The following FLT1 variants were observed in gnomAD, a reference collection of about 807,000 sequenced individuals.
The protein encoded by FLT1 is vascular endothelial growth factor receptor 1.
FLT1 carries 49 observed loss-of-function variants against 156.3 expected under a neutral mutation model. The ratio of observed to expected loss-of-function variants is 0.31; its 90% CI spans 0.25 to 0.40. The LOEUF (loss-of-function observed/expected upper bound fraction) is 0.40, where lower values mean the gene tolerates loss of function less well. Among genes scored for constraint, FLT1 ranks in the 10% least tolerant of loss-of-function variants. The probability of loss-of-function intolerance (pLI) is 1.00; values close to 1 mark genes in which losing one functional copy is unlikely to be tolerated. For synonymous variants in FLT1, 594 were observed against 583.8 expected, an observed-to-expected ratio of 1.02 and a Z score of -0.25; for missense variants, 1,322 against 1,637.2, an observed-to-expected ratio of 0.81 and a Z score of 3.32.
intron 11 of FLT1, among the ~76,000 whole-genome samples, chr13:28,402,032 C>T (rs1875471674): frequency 6.6e-6 from 1 of 152,152 alleles, no homozygotes; most frequent in Non-Finnish European, 1.5e-5. Flanking sequence ...CGAAAGTGCA[C>T]ATTTGCTACT....
At chr13:28,344,051 A>G (rs1872462867) in intron 16 of FLT1, among the ~76,000 whole-genome samples, 9 of 149,810 alleles carry the variant, frequency 6.0e-5, no homozygotes, top group Middle Eastern at 3.4e-3. Flanking sequence ...AGCCAAAATA[A>G]TTTTTCCAGA....
intron 14 of FLT1, among the ~76,000 whole-genome samples, chr13:28,381,420 A>T (rs1039566767): frequency 2.0e-5 from 3 of 152,080 alleles, no homozygotes; most frequent in Non-Finnish European, 2.9e-5. Flanking sequence ...TTAACCAGGC[A>T]TGGTGGCAGA....
intron 10 of FLT1, among the ~76,000 whole-genome samples, chr13:28,406,605 G>A (rs970666651): frequency 6.7e-6 from 1 of 149,072 alleles, no homozygotes; most frequent in African/African-American, 2.5e-5. Context: ...AGATTCTACA[G>A]ATTTTTTAAA....
chr13:28,323,081 G>T, intron 20 of FLT1, 135 bp from the exon 21 acceptor site: 2 of 914,916 alleles, frequency 2.2e-6, no homozygotes, highest in Non-Finnish European at 1.8e-6. Flanking sequence ...AACTAGCACA[G>T]GGGCCCTACG....
Position 28,420,253 on chromosome 13 carries a change from T to C in FLT1, c.1436+6906A>G, listed in dbSNP as rs549791584. Among the ~76,000 whole-genome samples, 55 of 151,960 alleles carry C rather than the reference T, an allele frequency of 3.6e-4. No individual in the cohort carries two copies. In the Middle Eastern group the frequency reaches 0.017, roughly 47 times the overall value. On this transcript the variant is annotated intron_variant, in intron 10 of 29. Coordinates refer to ENST00000282397, the MANE Select transcript of FLT1 (RefSeq NM_002019.4). The stretch of plus-strand genomic sequence containing the variant: ...GTGAACATTCACTTTTGGCTTGTGA[T>C]GAAAGCCTCCTGTATAAGATGGCCA...
chr13:28,464,071 C>T (rs772979515), intron 3 of FLT1, among the ~76,000 whole-genome samples: 2 of 152,070 alleles, frequency 1.3e-5, no homozygotes, highest in Admixed American at 6.6e-5. Flanking sequence ...ATTATTGATT[C>T]CAATATCTTT....
chr13:28,317,655 C>T (rs374708122), intron 24 of FLT1, 58 bp from the exon 25 acceptor site: 1 of 1,019,802 alleles, frequency 9.8e-7, no homozygotes, highest in South Asian at 1.3e-5. Flanking sequence ...TACAAAAGAC[C>T]AAGAGGGGAC....
chr13:28,443,771 G>C (rs1878460265), intron 3 of FLT1, among the ~76,000 whole-genome samples: 1 of 152,150 alleles, frequency 6.6e-6, no homozygotes, highest in Non-Finnish European at 1.5e-5. Flanking sequence ...GTACTGATTG[G>C]TAAAATATTT....
intron 12 of FLT1, among the ~76,000 whole-genome samples, chr13:28,391,882 G>A (rs185256278): frequency 6.6e-6 from 1 of 151,738 alleles, no homozygotes; most frequent in Non-Finnish European, 1.5e-5. Context: ...GAACTGACCC[G>A]CTCTCAAAAC....
chr13:28,424,534 A>T (rs1719792760), intron 10 of FLT1, among the ~76,000 whole-genome samples: 1 of 152,196 alleles, frequency 6.6e-6, no homozygotes, highest in African/African-American at 2.4e-5. Context: ...TTAGACTCTA[A>T]GACACTAAAT....
At chr13:28,473,804 AAGAAAG>A (rs1333229227) in intron 1 of FLT1, among the ~76,000 whole-genome samples, 1 of 133,792 alleles carries the variant, frequency 7.5e-6, no homozygotes, top group Non-Finnish European at 1.6e-5. Context: ...GAAAGAAAGA[AAGAAAG>A]AAAGAAAGAA....
rs139462023 is a variant in FLT1 at position 28,441,839 on chromosome 13, T to G, written c.389-3494A>C. ...GCTTTATGGATTATTGTTGTTCTTATTTACCTTCTTCTATATTTGTCAGTC... is the reference window on the plus strand; with the variant it reads ...GCTTTATGGATTATTGTTGTTCTTAGTTACCTTCTTCTATATTTGTCAGTC... On this transcript the variant is annotated intron_variant, in intron 3 of 29. Transcript: ENST00000282397. Among the ~76,000 whole-genome samples, 407 of 152,274 alleles carry G rather than the reference T, an allele frequency of 2.7e-3. 4 individuals are homozygous for G. Among genetic ancestry groups the G allele is most frequent in the African/African-American group, 9.3e-3 (386 of 41,558 alleles).
chr13:28,420,853 C>T (rs1232151221), intron 10 of FLT1, among the ~76,000 whole-genome samples: 1 of 152,168 alleles, frequency 6.6e-6, no homozygotes, highest in Non-Finnish European at 1.5e-5. Context: ...CTAACACATC[C>T]CTAATGACTC....
At chr13:28,390,432 G>T (rs975795724) in intron 12 of FLT1, among the ~76,000 whole-genome samples, 4 of 152,060 alleles carry the variant, frequency 2.6e-5, no homozygotes, top group African/African-American at 2.4e-5. Context: ...GTCTTGCTAT[G>T]TTGCCCAGGC....
chr13:28,421,827 G>T (rs1047317511), intron 10 of FLT1, among the ~76,000 whole-genome samples: 1 of 152,188 alleles, frequency 6.6e-6, no homozygotes, highest in East Asian at 1.9e-4. Context: ...TCATAGCTGT[G>T]TATGATAGGA....
chr13:28,411,590 C>T (rs879679065), intron 10 of FLT1, among the ~76,000 whole-genome samples: 6 of 150,954 alleles, frequency 4.0e-5, no homozygotes, highest in Admixed American at 2.0e-4. Context: ...ATAAAACCAT[C>T]CAATATTTAT....
chr13:28,308,924 G>A lies in FLT1; in HGVS notation c.3639C>T (p.Tyr1213=), dbSNP rs7993418. 0.79 allele frequency: 1,247,469 copies of A among 1,585,192 alleles called. 500,586 individuals are homozygous for A. The highest frequency in any genetic ancestry group is 1 in the East Asian group (44,745 of 44,790). The change falls in exon 28 of 30, where the codon TAC becomes TAT. Residue 1213 remains tyrosine (Y), a synonymous_variant. Coordinates refer to ENST00000282397, the MANE Select transcript of FLT1 (RefSeq NM_002019.4). ...GGCTCATGAACTTGAAAGCATTTACGTATCTAATGAAGAAACAGAAAGAAT... is the reference window on the plus strand; with the variant it reads ...GGCTCATGAACTTGAAAGCATTTACATATCTAATGAAGAAACAGAAAGAAT... ...FNSGSSDDVR[Y]VNAFKFMSLE...
At chr13:28,369,391 G>C (rs537009992) in intron 14 of FLT1, among the ~76,000 whole-genome samples, 57 of 152,258 alleles carry the variant, frequency 3.7e-4, no homozygotes, top group African/African-American at 1.3e-3. Context: ...CAGGCGTGGT[G>C]GTGGGCACCT....
At chr13:28,400,120 C>A (rs1425870361) in intron 11 of FLT1, among the ~76,000 whole-genome samples, 1 of 152,228 alleles carries the variant, frequency 6.6e-6, no homozygotes, top group African/African-American at 2.4e-5. Context: ...CGCCTTGAGA[C>A]TCTTTAAGTT....
Sources: allele counts gnomAD v4.1 joint callset (sites outside exome capture counted in the v4.1 genomes callset), GRCh38; gene constraint gnomAD v4.1.1; transcripts MANE v1.5; gene names NCBI Gene and HGNC (gene_info 2026-07-23, HGNC 2026-07-21).